LRMDA: variants seen among roughly 807,000 people sequenced by gnomAD.
LRMDA encodes leucine-rich melanocyte differentiation-associated protein.
A neutral mutation model predicts 29.8 loss-of-function variants in LRMDA; 18 were observed. The ratio of observed to expected loss-of-function variants is 0.60; its 90% confidence interval spans 0.42 to 0.90. LRMDA has a LOEUF of 0.90. Among genes scored for constraint, LRMDA ranks in the 40% least tolerant of loss-of-function variants. The pLI, the probability that LRMDA is intolerant of heterozygous loss-of-function variation, is 0.00. For missense variants in LRMDA, 273 were observed against 273.9 expected, an observed-to-expected ratio of 1.00 and a Z score of 0.02; for synonymous variants, 125 against 109.4, an observed-to-expected ratio of 1.14 and a Z score of -0.89.
chr10:75,935,859 A>G (rs1442067540), intron 2 of LRMDA, among the ~76,000 whole-genome samples: 1 of 152,102 alleles, frequency 6.6e-6, no homozygotes, highest in African/African-American at 2.4e-5. Context: ...AAAATCAGGC[A>G]AGTTATTTTA....
chr10:75,876,694 G>A (rs1845204149), intron 2 of LRMDA, among the ~76,000 whole-genome samples: 1 of 152,098 alleles, frequency 6.6e-6, no homozygotes, highest in Non-Finnish European at 1.5e-5. Context: ...TTCTCCCTTG[G>A]TTCTGACCTT....
chr10:75,744,812 TTCCTGGCCACTGAGAGGGCCAGGC>T (rs1368836473), intron 2 of LRMDA, among the ~76,000 whole-genome samples: 1 of 152,180 alleles, frequency 6.6e-6, no homozygotes, highest in African/African-American at 2.4e-5. Context: ...CCAGGGGACA[TTCCTGGCCACTGAGAGGGCCAGGC>T]TCTTTGCTAT....
intron 5 of LRMDA, among the ~76,000 whole-genome samples, chr10:76,215,655 T>C (rs1851715626): frequency 6.6e-6 from 1 of 152,226 alleles, no homozygotes; most frequent in South Asian, 2.1e-4. Context: ...ATTTTTCTTC[T>C]ACATCTGAAG....
chr10:76,037,391 G>A (rs1214615932), intron 3 of LRMDA, among the ~76,000 whole-genome samples: 1 of 152,244 alleles, frequency 6.6e-6, no homozygotes, highest in Non-Finnish European at 1.5e-5. Context: ...AATAAAATCA[G>A]ATATACATGT....
At chr10:75,866,435 T>C (rs986619019) in intron 2 of LRMDA, among the ~76,000 whole-genome samples, 12 of 152,336 alleles carry the variant, frequency 7.9e-5, no homozygotes, top group African/African-American at 2.6e-4. Flanking sequence ...TGTAGGCATG[T>C]GGGGAGCTTG....
intron 6 of LRMDA, among the ~76,000 whole-genome samples, chr10:76,424,974 T>G (rs1842108771): frequency 6.6e-6 from 1 of 152,238 alleles, no homozygotes. Flanking sequence ...CCATACACTT[T>G]TCTCCCCATT....
At chr10:76,507,947 C>G (rs1253274190) in intron 6 of LRMDA, among the ~76,000 whole-genome samples, 1 of 152,074 alleles carries the variant, frequency 6.6e-6, no homozygotes, top group Non-Finnish European at 1.5e-5. Context: ...CAGCTTTGTT[C>G]TTTTTGCTCA....
rs1159686780 is a variant in LRMDA, at chr10:76,500,162, C to T, written c.602-57047C>T. Among the ~76,000 whole-genome samples, 4 of 76,100 alleles carry T rather than the reference C, an allele frequency of 5.3e-5. 2 individuals carry two copies. The highest frequency in any genetic ancestry group is 1.3e-4 in the African/African-American group (4 of 31,356). 49.9% of individuals were successfully genotyped at this position (76,100 alleles called of 152,430 possible). On this transcript the variant is annotated intron_variant, in intron 6 of 6. Transcript: ENST00000611255. The stretch of plus-strand genomic sequence containing the variant: ...ATGCTGGAATTACAAGTATCAGCCA[C>T]TGGGCCTGGCCTTAGTTTTATATTT...
At chr10:75,442,756 G>A (rs1844343771) in intron 2 of LRMDA, among the ~76,000 whole-genome samples, 2 of 151,854 alleles carry the variant, frequency 1.3e-5, no homozygotes, top group Admixed American at 6.6e-5. Flanking sequence ...ATGAAATTTA[G>A]GATTTTTTTT....
chr10:75,825,424 A>G (rs1844232278), intron 2 of LRMDA, among the ~76,000 whole-genome samples: 1 of 152,170 alleles, frequency 6.6e-6, no homozygotes, highest in African/African-American at 2.4e-5. Context: ...GGCTTCACAC[A>G]TGGTGTATTT....
At chr10:75,860,839 G>T (rs1844917137) in intron 2 of LRMDA, among the ~76,000 whole-genome samples, 1 of 152,190 alleles carries the variant, frequency 6.6e-6, no homozygotes, top group Non-Finnish European at 1.5e-5. Context: ...CACTGGGGAA[G>T]AACTCGGATT....
At chr10:76,052,522 G>T in intron 4 of LRMDA, among the ~76,000 whole-genome samples, 1 of 152,110 alleles carries the variant, frequency 6.6e-6, no homozygotes, top group African/African-American at 2.4e-5. Context: ...GATGAAAAAT[G>T]CCTGAGTGTT....
At chr10:76,358,094 T>C (rs147731720) in intron 6 of LRMDA, among the ~76,000 whole-genome samples, 2 of 152,232 alleles carry the variant, frequency 1.3e-5, no homozygotes, top group African/African-American at 4.8e-5. Context: ...GGGCTGTTTT[T>C]CTCTCACTGA....
At chr10:75,518,415 T>A (rs1230032449) in intron 2 of LRMDA, among the ~76,000 whole-genome samples, 1 of 152,234 alleles carries the variant, frequency 6.6e-6, no homozygotes, top group Non-Finnish European at 1.5e-5. Flanking sequence ...AACTTCTTCC[T>A]GGTTTAGTCT....
intron 2 of LRMDA, among the ~76,000 whole-genome samples, chr10:75,557,831 T>A (rs1014872259): frequency 6.6e-6 from 1 of 152,184 alleles, no homozygotes; most frequent in Non-Finnish European, 1.5e-5. Context: ...TGTATGTCGA[T>A]CTGTTAAGTC....
At chr10:75,757,798 CTTTT>C (rs139801931) in intron 2 of LRMDA, among the ~76,000 whole-genome samples, 4 of 140,024 alleles carry the variant, frequency 2.9e-5, no homozygotes, top group Admixed American at 1.4e-4. Context: ...AATTTTCTTT[CTTTT>C]TTTTTTTTTT....
At chr10:76,231,636 T>C (rs1220331588) in intron 5 of LRMDA, among the ~76,000 whole-genome samples, 1 of 152,218 alleles carries the variant, frequency 6.6e-6, no homozygotes, top group Non-Finnish European at 1.5e-5. Context: ...GAACTAACTT[T>C]ACTACTGCTC....
intron 6 of LRMDA, among the ~76,000 whole-genome samples, chr10:76,503,312 G>A (rs1319678704): frequency 1.3e-5 from 2 of 151,802 alleles, no homozygotes; most frequent in Non-Finnish European, 2.9e-5. Context: ...TTATTCTGGA[G>A]CCTACGGACT....
chr10:75,457,500 G>A (rs962900449), intron 2 of LRMDA, among the ~76,000 whole-genome samples: 1 of 151,280 alleles, frequency 6.6e-6, no homozygotes, highest in African/African-American at 2.4e-5. Flanking sequence ...CAGGAGTTGC[G>A]GGGGAGACAA....
Sources: allele counts gnomAD v4.1 joint callset (sites outside exome capture counted in the v4.1 genomes callset), GRCh38; gene constraint gnomAD v4.1.1; transcripts MANE v1.5; gene names NCBI Gene and HGNC (gene_info 2026-07-23, HGNC 2026-07-21).